The following METTL14 variants were observed in gnomAD, a reference collection of about 807,000 sequenced individuals.
METTL14 encodes the protein methyltransferase 14, N6-adenosine-methyltransferase non-catalytic subunit, also known as N(6)-adenosine-methyltransferase non-catalytic subunit METTL14.
METTL14 carries 32 observed loss-of-function variants against 62.4 expected under a neutral mutation model. That is an observed-to-expected ratio of 0.51 (90% confidence interval 0.39 to 0.69). The LOEUF is 0.69. Among genes scored for constraint, METTL14 ranks in the 30% least tolerant of loss-of-function variants. METTL14 has a pLI of 0.00. For synonymous variants in METTL14, 150 were observed against 180.0 expected (o/e 0.83, Z 1.34); for missense variants, 340 against 551.9 (o/e 0.62, Z 3.85).
In METTL14 at chr4:118,710,476, G is replaced by T. The variant is rs1461294167; in HGVS notation, c.*174G>T. On this transcript the variant is annotated 3_prime_UTR_variant, in exon 11 of 11. Coordinates refer to ENST00000388822, the MANE Select transcript of METTL14 (RefSeq NM_020961.4). ...TTGCAGTTGTCACACACACTGTCTG[G>T]TTTTTTTCAGGATAAATGAATGATT... 8 of 607,108 alleles carry T rather than the reference G, an allele frequency of 1.3e-5. No individual in the cohort carries two copies. The highest frequency in any genetic ancestry group is 3.2e-5 in the Admixed American group (1 of 30,986). The allele number at this position is 607,108 out of a possible 1,614,324, so 37.6% of individuals were successfully genotyped here.
chr4:118,709,973 A>AT (rs745812875), intron 10 of METTL14, 25 bp from the exon 11 acceptor site: 2 of 1,561,104 alleles, frequency 1.3e-6, no homozygotes, highest in Admixed American at 4.0e-5. Context: ...AATAAAAAGT[A>AT]TAATCTTTTT....
At chr4:118,707,907 C>T (rs148052703) in intron 10 of METTL14, among the ~76,000 whole-genome samples, 2,631 of 150,926 alleles carry the variant, frequency 0.017, 37 homozygotes, top group South Asian at 0.051. Flanking sequence ...GATCTTGGCT[C>T]ACTGCAACCC....
intron 9 of METTL14, 68 bp from the exon 10 acceptor site, chr4:118,705,543 A>G: frequency 8.2e-7 from 1 of 1,225,526 alleles, no homozygotes; most frequent in Non-Finnish European, 1.2e-6. Context: ...TGAGGACATC[A>G]GAAATGTGAA....
rs141632546 is a variant in METTL14 at position 118,710,589 on chromosome 4, A to G, written c.*287A>G. On this transcript the variant is annotated 3_prime_UTR_variant, in exon 11 of 11. Coordinates refer to ENST00000388822, the MANE Select transcript of METTL14 (RefSeq NM_020961.4). ...GAATTTATTCTGATAGACTTCAGCT[A>G]ATTACAAAGGATTTTGCTAATTTTT... 1 of 272,708 alleles carries G rather than the reference A, an allele frequency of 3.7e-6. No homozygotes were observed. The highest frequency in any genetic ancestry group is 7.5e-5 in the East Asian group (1 of 13,326). 16.9% of individuals were successfully genotyped at this position (272,708 alleles called of 1,614,324 possible). A position where few individuals can be genotyped will look rare whatever the true frequency, so the allele number is the denominator to read the frequency against.
In METTL14 at chr4:118,703,939, T is replaced by C; in HGVS notation, c.743T>C (p.Leu248Ser). 6.5e-7 allele frequency: 1 copy of C among 1,545,550 alleles called. No homozygotes were observed. Among genetic ancestry groups the C allele is most frequent in the Admixed American group, 2.2e-5 (1 of 45,748 alleles). ...TTAAAATTCTTTTGTTTCTAGTGTTTACGAAAATGGGGTTACAGAAGATGT... is the reference window on the plus strand; with the variant it reads ...TTAAAATTCTTTTGTTTCTAGTGTTCACGAAAATGGGGTTACAGAAGATGT... ...GEGLDLGRVC[L>S]RKWGYRRCED... Residue 248 changes from leucine to serine, a missense_variant, in exon 9 of 11, where the codon TTA (leucine) becomes TCA (serine). By Grantham distance (145) the Leu-to-Ser change is moderately radical. Around this residue, in one of 7 missense-constraint regions of METTL14, gnomAD observed 58 missense variants for 147.5 expected, o/e 0.39. Coordinates refer to ENST00000388822, the MANE Select transcript of METTL14 (RefSeq NM_020961.4).
intron 8 of METTL14, among the ~76,000 whole-genome samples, chr4:118,702,682 A>G (rs1724629702): frequency 6.6e-6 from 1 of 152,086 alleles, no homozygotes; most frequent in Non-Finnish European, 1.5e-5. Context: ...AAGCTGAGGC[A>G]TGAGAATCAC....
At chr4:118,693,048 A>G (rs1280515545) in intron 5 of METTL14, among the ~76,000 whole-genome samples, 2 of 152,084 alleles carry the variant, frequency 1.3e-5, no homozygotes, top group Admixed American at 6.6e-5. Flanking sequence ...GTATATGTTT[A>G]CCTTTCTGAC....
At chr4:118,691,677 T>G in intron 4 of METTL14, 65 bp downstream of exon 4, 1 of 754,552 alleles carries the variant, frequency 1.3e-6, no homozygotes, top group Non-Finnish European at 2.1e-6. Flanking sequence ...GAAAAGATTT[T>G]AAATACCTGT....
chr4:118,702,976 T>TATA (rs1724647461), intron 8 of METTL14, among the ~76,000 whole-genome samples: 1 of 145,512 alleles, frequency 6.9e-6, no homozygotes, highest in Admixed American at 6.9e-5. Context: ...TTATTATTAT[T>TATA]ATACTTTAAG....
rs1012181864 is a variant in METTL14 at position 118,714,964 on chromosome 4, G to T, written c.*4662G>T. The T allele has an allele frequency of 1.3e-5, 2 of 152,180 alleles. No homozygotes were observed. Among genetic ancestry groups the T allele is most frequent in the Non-Finnish European group, 2.9e-5 (2 of 68,048 alleles). 9.4% of individuals were successfully genotyped at this position (152,180 alleles called of 1,614,324 possible). ...ATTTACTTAAAAAAGAGGAAAAAAG[G>T]TTACTTGCTTGAGACAGGAAACTAT... On this transcript the variant is annotated 3_prime_UTR_variant, in exon 11 of 11. Transcript: ENST00000388822.
chr4:118,687,819 G>A (rs984829589), intron 1 of METTL14, 104 bp from the exon 2 acceptor site: 1 of 741,212 alleles, frequency 1.3e-6, no homozygotes, highest in Non-Finnish European at 2.3e-6. Flanking sequence ...GTGAATTAAG[G>A]TGTTTTTGTT....
In METTL14 at chr4:118,710,001, G is replaced by T. The variant is rs1724871237; in HGVS notation, c.1070G>T (p.Trp357Leu). Residue 357 changes from tryptophan (W) to leucine (L), a missense_variant, in exon 11 of 11, where the codon TGG becomes TTG. Physicochemically the swap from Trp to Leu is moderately conservative, Grantham distance 61 (BLOSUM62 -2). Coordinates refer to ENST00000388822, the MANE Select transcript of METTL14 (RefSeq NM_020961.4). ...FGRDSTIRPG[W>L]LTVGPTLTNS... ...ATCTTTTTTTCCTCCATTTCAGGCT[G>T]GCTCACAGTTGGACCAACGCTTACA... is the stretch of plus-strand genomic sequence containing the variant. The T allele has an allele frequency of 6.3e-7, 1 of 1,590,254 alleles. No individual in the cohort carries two copies. Among genetic ancestry groups the T allele is most frequent in the African/African-American group, 1.4e-5 (1 of 73,606 alleles).
chr4:118,687,578 A>T (rs1402685307), intron 1 of METTL14, among the ~76,000 whole-genome samples: 1 of 152,188 alleles, frequency 6.6e-6, no homozygotes, highest in African/African-American at 2.4e-5. Context: ...AAAATATTGT[A>T]ACTTGAAAAC....
chr4:118,701,631 G>T (rs1309424181), intron 8 of METTL14, among the ~76,000 whole-genome samples: 3 of 152,196 alleles, frequency 2.0e-5, no homozygotes. Context: ...TGGGCAAAAA[G>T]ATACTCACTC....
At position 118,691,559 on chromosome 4, in the gene METTL14, G is replaced by C; in HGVS notation, c.271G>C (p.Glu91Gln). 1 of 1,554,578 alleles carries C rather than the reference G, an allele frequency of 6.4e-7. No homozygotes were observed. The highest frequency in any genetic ancestry group is 1.7e-4 in the Middle Eastern group (1 of 5,924). ...KDELEMQQDE[E>Q]NLPYEEEIYK... ...TGAACTAGAAATGCAACAGGATGAA[G>C]AAAATTTGCCATATGAAGAAGAGAT... The change falls in exon 4 of 11, where the codon GAA becomes CAA. Residue 91 changes from glutamate (E) to glutamine (Q), a missense_variant. This residue lies in a region of METTL14 where 111 missense variants were observed against 116.6 expected (regional missense o/e 0.95). Transcript: ENST00000388822.
intron 1 of METTL14, among the ~76,000 whole-genome samples, chr4:118,686,163 A>G (rs1275779241): frequency 6.6e-6 from 1 of 152,208 alleles, no homozygotes; most frequent in Admixed American, 6.5e-5. Context: ...TGAAACAGGT[A>G]TTATTACCTT....
At chr4:118,687,316 A>G (rs955920588) in intron 1 of METTL14, among the ~76,000 whole-genome samples, 1 of 152,198 alleles carries the variant, frequency 6.6e-6, no homozygotes, top group African/African-American at 2.4e-5. Flanking sequence ...TCATGTCAGT[A>G]CTCAAAAAGT....
At chr4:118,706,464 G>A (rs561896254) in intron 10 of METTL14, among the ~76,000 whole-genome samples, 2 of 152,312 alleles carry the variant, frequency 1.3e-5, no homozygotes, top group East Asian at 3.9e-4. Context: ...TCCATTGGAT[G>A]TACCGCAGTT....
rs1192460785 is a variant in METTL14 at position 118,715,008 on chromosome 4, A to C, written c.*4706A>C. On this transcript the variant is annotated 3_prime_UTR_variant, in exon 11 of 11. Transcript: ENST00000388822. Reference sequence around the variant, plus strand: ...AAACTATCACCTTTGAAAGCATATTAAGTAGTTGGCTTACTTTGGAACACA... The same window carrying C: ...AAACTATCACCTTTGAAAGCATATTCAGTAGTTGGCTTACTTTGGAACACA... 6.6e-6 allele frequency: 1 copy of C among 152,244 alleles called. No individual in the cohort carries two copies. Among genetic ancestry groups the C allele is most frequent in the Non-Finnish European group, 1.5e-5 (1 of 68,046 alleles). 9.4% of individuals were successfully genotyped at this position (152,244 alleles called of 1,614,324 possible).
Sources: allele counts gnomAD v4.1 joint callset (sites outside exome capture counted in the v4.1 genomes callset), GRCh38; gene constraint gnomAD v4.1.1; regional missense constraint gnomAD v4.1.1; transcripts MANE v1.5; gene names NCBI Gene and HGNC (gene_info 2026-07-23, HGNC 2026-07-21).